EGF: variants seen among roughly 807,000 people sequenced by gnomAD.
The protein encoded by EGF is pro-epidermal growth factor.
EGF carries 95 observed loss-of-function variants against 143.8 expected under a neutral mutation model. The observed-to-expected ratio is 0.66, with a 90% CI of 0.56 to 0.78. The LOEUF is 0.78. Ranked by LOEUF, EGF falls within the 30% of genes least tolerant of loss-of-function variation. The pLI is 0.00. For synonymous variants in EGF, 510 were observed against 510.5 expected, an observed-to-expected ratio of 1.00 and a Z score of 0.01; for missense variants, 1,320 against 1,470.9, an observed-to-expected ratio of 0.90 and a Z score of 1.68.
At chr4:109,962,776 C>A (rs183543244) in intron 8 of EGF, among the ~76,000 whole-genome samples, 1 of 152,174 alleles carries the variant, frequency 6.6e-6, no homozygotes, top group Non-Finnish European at 1.5e-5. Context: ...TTTAAAAAAT[C>A]AACATATGGG....
chr4:109,996,113 C>A (rs1483402886), intron 20 of EGF, among the ~76,000 whole-genome samples: 1 of 152,012 alleles, frequency 6.6e-6, no homozygotes, highest in Non-Finnish European at 1.5e-5. Context: ...AAATAAATGT[C>A]CGAATGTATT....
chr4:109,983,377 G>C, intron 15 of EGF, 45 bp from the exon 16 acceptor site: 1 of 1,597,802 alleles, frequency 6.3e-7, no homozygotes, highest in Non-Finnish European at 8.5e-7. Flanking sequence ...CTTTTTTTTT[G>C]AAACAGAAAA....
At position 109,976,151 on chromosome 4, in the gene EGF, T is replaced by C. The variant is rs1748466015; in HGVS notation, c.1969T>C (p.Tyr657His). The C allele has an allele frequency of 6.2e-7, 1 of 1,614,060 alleles. No homozygotes were observed. Among genetic ancestry groups the C allele is most frequent in the African/African-American group, 1.3e-5 (1 of 74,936 alleles). ...ITIDFLTDKL[Y>H]WCDAKQSVIE... The stretch of plus-strand genomic sequence containing the variant: ...GATTGACTTCTTAACTGACAAGTTG[T>C]ACTGGTGCGATGCCAAGCAGTCTGT... The change falls in exon 13 of 24, where the codon TAC becomes CAC. Residue 657 changes from tyrosine to histidine, a missense_variant. Coordinates refer to ENST00000265171, the MANE Select transcript of EGF (RefSeq NM_001963.6).
chr4:109,940,867 G>C lies in EGF; in HGVS notation c.128-79G>C, dbSNP rs10029765. 7.4e-6 allele frequency: 10 copies of C among 1,354,766 alleles called. No individual in the cohort carries two copies. The East Asian group carries it at 1.4e-4, about 19-fold the overall frequency. The allele number at this position is 1,354,766 out of a possible 1,614,324, so 83.9% of individuals were successfully genotyped here. ...ATTAAAAATTATTTCTGCTTGTGTT[G>C]GTTGTCATTGGGAAGTATTTTGTTT... On this transcript the variant is annotated intron_variant, in intron 1 of 23. Coordinates refer to ENST00000265171, the MANE Select transcript of EGF (RefSeq NM_001963.6).
chr4:109,942,801 T>A (rs1035147119), intron 2 of EGF, among the ~76,000 whole-genome samples: 1 of 152,150 alleles, frequency 6.6e-6, no homozygotes. Flanking sequence ...AAGGCCACAA[T>A]GAGAAATTCA....
intron 5 of EGF, among the ~76,000 whole-genome samples, chr4:109,952,319 T>C (rs912112412): frequency 3.3e-5 from 5 of 152,372 alleles, no homozygotes; most frequent in African/African-American, 1.2e-4. Context: ...AAAAGCATAT[T>C]CTTTGGGAAA....
chr4:109,959,234 T>C lies in EGF; in HGVS notation c.941-78T>C. The C allele has an allele frequency of 3.1e-6, 5 of 1,601,580 alleles. No individual in the cohort carries two copies. The South Asian group carries it at 5.6e-5, about 18-fold the overall frequency. ...AGACGTTGTAGGGAGGTAAGACCTC[T>C]TAAGAATCAGGAAAAGATTTAGCAG... On this transcript the variant is annotated intron_variant, in intron 5 of 23. Transcript: ENST00000265171.
intron 5 of EGF, among the ~76,000 whole-genome samples, chr4:109,949,347 T>G (rs1344635718): frequency 1.3e-5 from 2 of 152,128 alleles, no homozygotes; most frequent in Non-Finnish European, 2.9e-5. Flanking sequence ...GATTACAGGC[T>G]TGAGCCGCCG....
At chr4:109,969,607 A>G (rs1560710614) in intron 11 of EGF, among the ~76,000 whole-genome samples, 1 of 150,120 alleles carries the variant, frequency 6.7e-6, no homozygotes, top group Admixed American at 6.6e-5. Context: ...TATAATAATA[A>G]AAAAAAAAGT....
rs551070247 is a variant in EGF, at chr4:109,942,837, C to T, written c.328-417C>T. Among the ~76,000 whole-genome samples, 59 of 152,304 alleles carry T rather than the reference C, an allele frequency of 3.9e-4. 1 individual carries two copies. The Middle Eastern group carries it at 0.014, about 35-fold the overall frequency. On this transcript the variant is annotated intron_variant, in intron 2 of 23. Transcript: ENST00000265171. ...TCGAGTTCATGTCTGTAAGCTCAGA[C>T]TCCAAGGAAATCTTGCATAGCTTGG...
chr4:110,000,800 A>G (rs1199390298), intron 21 of EGF, among the ~76,000 whole-genome samples: 1 of 152,210 alleles, frequency 6.6e-6, no homozygotes, highest in Admixed American at 6.5e-5. Flanking sequence ...AAAATCAGTG[A>G]GTCATAAAAC....
intron 13 of EGF, among the ~76,000 whole-genome samples, chr4:109,979,526 AT>A (rs1749007251): frequency 1.3e-5 from 2 of 152,046 alleles, no homozygotes. Context: ...ATTTTGAAAA[AT>A]CCTTACAAGA....
intron 2 of EGF, among the ~76,000 whole-genome samples, chr4:109,941,687 A>G (rs1741956462): frequency 1.3e-5 from 2 of 152,016 alleles, no homozygotes; most frequent in South Asian, 4.2e-4. Context: ...AAGTTGAGAG[A>G]CCCTGTTTTA....
chr4:109,968,673 C>CATCTATCTATGTATCT, intron 10 of EGF: 1 of 350,638 alleles, frequency 2.9e-6, no homozygotes, highest in African/African-American at 2.3e-5. Context: ...TATCTATATA[C>CATCTATCTATGTATCT]ATCTATCTAT....
intron 5 of EGF, among the ~76,000 whole-genome samples, chr4:109,948,742 T>A (rs1397191467): frequency 6.6e-6 from 1 of 152,148 alleles, no homozygotes; most frequent in African/African-American, 2.4e-5. Flanking sequence ...TGCCTCAGCC[T>A]CCCAAAGTGC....
chr4:109,981,827 C>A lies in EGF; in HGVS notation c.2371+852C>A, dbSNP rs183776774. Among the ~76,000 whole-genome samples the A allele has an allele frequency of 1.8e-3, 268 of 152,222 alleles. 2 individuals are homozygous for A. The highest frequency in any genetic ancestry group is 6.1e-3 in the African/African-American group (252 of 41,566). On this transcript the variant is annotated intron_variant, in intron 15 of 23. Transcript: ENST00000265171. The stretch of plus-strand genomic sequence containing the variant: ...GCACTGAAAGAATTTATATGCATTT[C>A]TTATTTTATTACATAGAGTGTTAAA...
chr4:110,009,588 A>G (rs1753746107), intron 23 of EGF, among the ~76,000 whole-genome samples: 1 of 151,942 alleles, frequency 6.6e-6, no homozygotes, highest in African/African-American at 2.4e-5. Flanking sequence ...TTCCCCCCGC[A>G]CTGTACTGCA....
At chr4:109,981,647 A>G (rs1352953612) in intron 15 of EGF, among the ~76,000 whole-genome samples, 1 of 152,186 alleles carries the variant, frequency 6.6e-6, no homozygotes, top group Non-Finnish European at 1.5e-5. Context: ...TTAAAAATTT[A>G]TATTTATCTG....
rs1218824819 is a variant in EGF, at chr4:109,964,263, A to G, written c.1439-138A>G. On this transcript the variant is annotated intron_variant, in intron 9 of 23. Transcript: ENST00000265171. ...CATCCTCTTGCCTGTCTTCACCTAT[A>G]CCACACTAGAGGGAAATTAAGAAAA... is the stretch of plus-strand genomic sequence containing the variant. 4.1e-6 allele frequency: 5 copies of G among 1,208,662 alleles called. No homozygotes were observed. In the East Asian group the frequency reaches 1.2e-4, roughly 29 times the overall value. The allele number at this position is 1,208,662 out of a possible 1,614,324, so 74.9% of individuals were successfully genotyped here. A position where few individuals can be genotyped will look rare whatever the true frequency, so the allele number is the denominator to read the frequency against.
Sources: allele counts gnomAD v4.1 joint callset (sites outside exome capture counted in the v4.1 genomes callset), GRCh38; gene constraint gnomAD v4.1.1; transcripts MANE v1.5; gene names NCBI Gene and HGNC (gene_info 2026-07-23, HGNC 2026-07-21).